PDCD6IP: variants seen among roughly 807,000 people sequenced by gnomAD.
PDCD6IP encodes programmed cell death 6 interacting protein, also known as programmed cell death 6-interacting protein.
Under a neutral mutation model 103.7 loss-of-function variants are expected in PDCD6IP, and 43 were observed. The ratio of observed to expected loss-of-function variants is 0.41; its 90% CI spans 0.32 to 0.53. PDCD6IP has a LOEUF of 0.53. Among genes scored for constraint, PDCD6IP ranks in the 20% least tolerant of loss-of-function variants. The pLI is 0.16. For missense variants in PDCD6IP, 871 were observed against 1,036.7 expected, an observed-to-expected ratio of 0.84 and a Z score of 2.20; for synonymous variants, 354 against 378.7, an observed-to-expected ratio of 0.93 and a Z score of 0.76.
intron 7 of PDCD6IP, among the ~76,000 whole-genome samples, chr3:33,831,631 G>A (rs758328254): frequency 3.3e-5 from 5 of 152,188 alleles, no homozygotes; most frequent in Non-Finnish European, 5.9e-5. Context: ...AGGTTATATA[G>A]TTCAATTCCT....
At chr3:33,811,582 A>T (rs1052855715) in intron 1 of PDCD6IP, among the ~76,000 whole-genome samples, 1 of 152,148 alleles carries the variant, frequency 6.6e-6, no homozygotes, top group Non-Finnish European at 1.5e-5. Flanking sequence ...GAGAAAGGAG[A>T]TGGAGAGGTT....
chr3:33,805,426 T>A (rs541955011), intron 1 of PDCD6IP, among the ~76,000 whole-genome samples: 1 of 152,072 alleles, frequency 6.6e-6, no homozygotes, highest in Admixed American at 6.5e-5. Context: ...TTAAAAATTT[T>A]AACATTTTTG....
intron 9 of PDCD6IP, among the ~76,000 whole-genome samples, chr3:33,841,606 T>G (rs1357728107): frequency 1.3e-5 from 2 of 151,116 alleles, no homozygotes; most frequent in African/African-American, 4.9e-5. Context: ...GCCCGGCTAA[T>G]TTTTTGTATT....
intron 4 of PDCD6IP, among the ~76,000 whole-genome samples, chr3:33,823,310 C>T (rs533178150): frequency 2.6e-5 from 4 of 152,232 alleles, no homozygotes; most frequent in South Asian, 2.1e-4. Flanking sequence ...TGCTTTTTCC[C>T]GTTGTTTATG....
chr3:33,815,159 A>G (rs954299552), intron 3 of PDCD6IP, among the ~76,000 whole-genome samples: 2 of 149,580 alleles, frequency 1.3e-5, no homozygotes, highest in African/African-American at 4.9e-5. Context: ...ATGGAAATAT[A>G]TATTTTATAG....
At chr3:33,834,083 A>G (rs1697296212) in intron 7 of PDCD6IP, among the ~76,000 whole-genome samples, 1 of 151,606 alleles carries the variant, frequency 6.6e-6, no homozygotes, top group Admixed American at 6.6e-5. Context: ...CTCCCTCCCT[A>G]CTTTTCTGTT....
chr3:33,815,130 C>T (rs998326414), intron 3 of PDCD6IP, among the ~76,000 whole-genome samples: 2 of 148,336 alleles, frequency 1.3e-5, no homozygotes, highest in Non-Finnish European at 3.0e-5. Context: ...AAGGTTTATA[C>T]TTATATATAG....
chr3:33,820,471 G>A (rs1696965405), intron 3 of PDCD6IP, among the ~76,000 whole-genome samples: 2 of 152,086 alleles, frequency 1.3e-5, no homozygotes, highest in Non-Finnish European at 2.9e-5. Context: ...GTTCACTAGT[G>A]TTGGGTGTAT....
intron 3 of PDCD6IP, among the ~76,000 whole-genome samples, chr3:33,815,609 A>G (rs1696830308): frequency 6.6e-6 from 1 of 152,194 alleles, no homozygotes; most frequent in African/African-American, 2.4e-5. Flanking sequence ...TAGTGTGTGC[A>G]AGTTACAGAA....
At chr3:33,823,108 A>G (rs1190676624) in intron 4 of PDCD6IP, among the ~76,000 whole-genome samples, 1 of 152,190 alleles carries the variant, frequency 6.6e-6, no homozygotes, top group Admixed American at 6.5e-5. Context: ...TGACTCTCAG[A>G]TAAACCTTGT....
At chr3:33,861,607 G>C (rs552723075) in intron 15 of PDCD6IP, among the ~76,000 whole-genome samples, 25 of 152,282 alleles carry the variant, frequency 1.6e-4, no homozygotes, top group African/African-American at 5.8e-4. Context: ...GGATATGTGT[G>C]TATGCTCAGT....
chr3:33,802,947 C>G (rs977950342), intron 1 of PDCD6IP, among the ~76,000 whole-genome samples: 2 of 152,164 alleles, frequency 1.3e-5, no homozygotes, highest in African/African-American at 4.8e-5. Flanking sequence ...AGATCCTTTT[C>G]TGGCTTCTCT....
intron 12 of PDCD6IP, among the ~76,000 whole-genome samples, chr3:33,848,527 C>T (rs1237013177): frequency 6.6e-6 from 1 of 151,992 alleles, no homozygotes; most frequent in Non-Finnish European, 1.5e-5. Context: ...GTCTCAGCCT[C>T]CCGAGTAGCT....
At chr3:33,813,713 A>T in intron 3 of PDCD6IP, 85 bp downstream of exon 3, 1 of 768,812 alleles carries the variant, frequency 1.3e-6, no homozygotes. Context: ...TATCCTAATG[A>T]CTCTTTGTAA....
chr3:33,852,419 T>C (rs1697734886), intron 12 of PDCD6IP, 69 bp from the exon 13 acceptor site: 2 of 1,486,618 alleles, frequency 1.3e-6, no homozygotes, highest in African/African-American at 1.4e-5. Flanking sequence ...TTATATATTA[T>C]TTCCTTCTCG....
chr3:33,798,641 C>A lies in PDCD6IP; in HGVS notation c.-88C>A. On this transcript the variant is annotated 5_prime_UTR_variant, in exon 1 of 18. Transcript: ENST00000307296. ...CAAGTCTGTCAGCCAGTCAGTCCGCCAGTCCGCCAGCCCAGTACCTCTCTC... is the reference window on the plus strand; with the variant it reads ...CAAGTCTGTCAGCCAGTCAGTCCGCAAGTCCGCCAGCCCAGTACCTCTCTC... 8.0e-7 allele frequency: 1 copy of A among 1,250,612 alleles called. No homozygotes were observed. Among genetic ancestry groups the A allele is most frequent in the Non-Finnish European group, 1.1e-6 (1 of 925,406 alleles). 77.5% of individuals were successfully genotyped at this position (1,250,612 alleles called of 1,614,324 possible). A position where few individuals can be genotyped will look rare whatever the true frequency, so the allele number is the denominator to read the frequency against.
chr3:33,859,670 A>G (rs1374553088), intron 15 of PDCD6IP, among the ~76,000 whole-genome samples: 1 of 152,206 alleles, frequency 6.6e-6, no homozygotes, highest in Admixed American at 6.5e-5. Flanking sequence ...TGAAAGTTTG[A>G]TAATATGCTT....
intron 3 of PDCD6IP, among the ~76,000 whole-genome samples, chr3:33,816,515 A>G (rs1462252740): frequency 6.6e-6 from 1 of 151,480 alleles, no homozygotes; most frequent in East Asian, 1.9e-4. Flanking sequence ...AAAAAAAAAA[A>G]AAAAAAAAAA....
At chr3:33,837,168 C>G (rs899053788) in intron 8 of PDCD6IP, among the ~76,000 whole-genome samples, 1 of 152,190 alleles carries the variant, frequency 6.6e-6, no homozygotes, top group African/African-American at 2.4e-5. Context: ...GATCCACCTG[C>G]CTCAGCCTCC....
Sources: gnomAD v4.1 joint callset for allele counts (sites outside exome capture counted in the v4.1 genomes callset) on GRCh38, gnomAD v4.1.1 for gene constraint, MANE v1.5 for transcripts, NCBI Gene and HGNC (gene_info 2026-07-23, HGNC 2026-07-21) for gene names.